The following ANO7 variants were observed in gnomAD, a reference collection of about 807,000 sequenced individuals.
The protein encoded by ANO7 is anoctamin 7.
In ANO7, 114 loss-of-function variants were observed where a neutral mutation model predicts 115.8. The ratio of observed to expected loss-of-function variants is 0.98; its 90% CI spans 0.85 to 1.15. The LOEUF (loss-of-function observed/expected upper bound fraction) is 1.15. Among genes scored for constraint, ANO7 ranks in the 50% most tolerant of loss-of-function variants. ANO7 has a pLI of 0.00. For synonymous variants in ANO7, 550 were observed against 498.2 expected, an observed-to-expected ratio of 1.10 and a Z score of -1.38; for missense variants, 1,302 against 1,201.2, an observed-to-expected ratio of 1.08 and a Z score of -1.24.
At chr2:241,214,487 G>A (rs2068779071) in intron 17 of ANO7, among the ~76,000 whole-genome samples, 1 of 152,164 alleles carries the variant, frequency 6.6e-6, no homozygotes, top group African/African-American at 2.4e-5. Context: ...CTGCCTCGTG[G>A]GTCTGTCTTG....
In ANO7 at chr2:241,225,386, G is replaced by T. The variant is rs2069134551; in HGVS notation, c.*1233G>T. ...TAAAAATGCAAAAATTATTCTGGGTGTGGTGGCGGGCATCTGTAATCCCAG... is the reference window on the plus strand; with the variant it reads ...TAAAAATGCAAAAATTATTCTGGGTTTGGTGGCGGGCATCTGTAATCCCAG... On this transcript the variant is annotated 3_prime_UTR_variant, in exon 25 of 25. Coordinates refer to ENST00000674324, the MANE Select transcript of ANO7 (RefSeq NM_001370694.2). 6.6e-6 allele frequency: 1 copy of T among 152,146 alleles called. No individual in the cohort carries two copies. The highest frequency in any genetic ancestry group is 3.2e-3 in the Middle Eastern group (1 of 316). 9.4% of individuals were successfully genotyped at this position (152,146 alleles called of 1,614,324 possible). A position where few individuals can be genotyped will look rare whatever the true frequency, so the allele number is the denominator to read the frequency against.
chr2:241,192,257 G>A (rs935793817), intron 3 of ANO7, among the ~76,000 whole-genome samples: 1 of 152,216 alleles, frequency 6.6e-6, no homozygotes, highest in Admixed American at 6.5e-5. Flanking sequence ...CCCAAAAGGC[G>A]GAGGTAGCGG....
the ANO7 span, among the ~76,000 whole-genome samples, chr2:241,232,824 A>G: frequency 1.3e-5 from 2 of 151,774 alleles, no homozygotes; most frequent in Non-Finnish European, 2.9e-5. Context: ...CTCAAAAAAA[A>G]GAACTAAACT....
chr2:241,224,221 T>TA lies in ANO7; in HGVS notation c.*68_*69insA, dbSNP rs1248309247. ...CCTGAGCCCTGCGAGCAGCGTCCTT[T>TA]TCCTCTTCCCTCAGGCAGCGGCTGT... On this transcript the variant is annotated 3_prime_UTR_variant, in exon 25 of 25. Transcript: ENST00000674324. 2 of 1,559,744 alleles carry TA rather than the reference T, an allele frequency of 1.3e-6. No homozygotes were observed. Among genetic ancestry groups the TA allele is most frequent in the East Asian group, 2.3e-5 (1 of 44,156 alleles).
chr2:241,195,736 A>C lies in ANO7; in HGVS notation c.200A>C (p.Lys67Thr). The C allele has an allele frequency of 1.2e-6, 2 of 1,614,232 alleles. No homozygotes were observed. The highest frequency in any genetic ancestry group is 1.6e-4 in the Middle Eastern group (1 of 6,062). The change falls in exon 4 of 25, where the codon AAG becomes ACG. Residue 67 changes from lysine (K) to threonine (T), a missense_variant. By Grantham distance (78) the Lys-to-Thr change is moderately conservative. Coordinates refer to ENST00000674324, the MANE Select transcript of ANO7 (RefSeq NM_001370694.2). ...DFVLVWEEDLKLDRQQDSAAR... is the reference protein window; with the variant it reads ...DFVLVWEEDLTLDRQQDSAAR... ...GTCCTCGTTTGGGAGGAGGACCTGA[A>C]GCTAGACAGGCAGCAGGACAGTGCC...
the ANO7 span, chr2:241,235,140 T>C: frequency 4.3e-6 from 7 of 1,613,638 alleles, no homozygotes; most frequent in African/African-American, 1.3e-5. Context: ...CTGCTCGGCC[T>C]GTAGCTCCTT....
Position 241,210,366 on chromosome 2 carries a change from G to A in ANO7, c.1431G>A (p.Arg477=). The part of the protein sequence containing the change: ...YRAIMAIVVS[R]SGNTLLAAWA... ...CCATCATGGCCATCGTGGTGTCCAG[G>A]TCGGGCAACACCCTTCTCGCAGCCT... is the stretch of plus-strand genomic sequence containing the variant. Residue 477 remains arginine, a synonymous_variant, in exon 14 of 25, where the codon AGG becomes AGA. Transcript: ENST00000674324. The A allele has an allele frequency of 6.2e-7, 1 of 1,614,058 alleles. No homozygotes were observed.
chr2:241,190,014 C>A, intron 1 of ANO7, 43 bp from the exon 2 acceptor site: 1 of 1,481,946 alleles, frequency 6.7e-7, no homozygotes, highest in Non-Finnish European at 9.2e-7. Flanking sequence ...TCTCACCCAT[C>A]CCCTCTCTGA....
intron 3 of ANO7, among the ~76,000 whole-genome samples, chr2:241,193,869 TTTTC>T (rs752168724): frequency 2.2e-4 from 34 of 152,314 alleles, no homozygotes; most frequent in Non-Finnish European, 3.8e-4. Context: ...TTAATTTCTC[TTTTC>T]TTTCTTTCTT....
At chr2:241,223,336 G>T in intron 22 of ANO7, 60 bp downstream of exon 22, 1 of 1,584,902 alleles carries the variant, frequency 6.3e-7, no homozygotes. Context: ...CCTGTGCTTT[G>T]CCTAATTCGA....
chr2:241,209,614 C>A lies in ANO7; in HGVS notation c.1338C>A (p.Gly446=). The part of the protein sequence containing the change: ...ERSRARRMLA[G]SVVIVVMVAV... ...GCCGCGCGCGCCGCATGCTGGCCGG[C>A]TCTGTGGTGATCGTGGTGATGGTAT... is the stretch of plus-strand genomic sequence containing the variant. The change falls in exon 13 of 25, where the codon GGC becomes GGA. Residue 446 remains glycine (G), a synonymous_variant. Transcript: ENST00000674324. 6.3e-7 allele frequency: 1 copy of A among 1,578,418 alleles called. No individual in the cohort carries two copies. Among genetic ancestry groups the A allele is most frequent in the Admixed American group, 1.8e-5 (1 of 56,126 alleles).
Position 241,209,613 on chromosome 2 carries a change from G to A in ANO7, c.1337G>A (p.Gly446Asp), listed in dbSNP as rs1156995249. 14 of 1,578,180 alleles carry A rather than the reference G, an allele frequency of 8.9e-6. No individual in the cohort carries two copies. The highest frequency in any genetic ancestry group is 1.0e-5 in the Non-Finnish European group (12 of 1,162,872). ...ERSRARRMLA[G>D]SVVIVVMVAV... ...AGCCGCGCGCGCCGCATGCTGGCCG[G>A]CTCTGTGGTGATCGTGGTGATGGTA... Residue 446 changes from glycine to aspartate, a missense_variant, in exon 13 of 25, where the codon GGC becomes GAC. Transcript: ENST00000674324.
In ANO7 at chr2:241,223,867, A is replaced by G. The variant is rs201061596; in HGVS notation, c.2533-38A>G. On this transcript the variant is annotated intron_variant, in intron 23 of 24. Coordinates refer to ENST00000674324, the MANE Select transcript of ANO7 (RefSeq NM_001370694.2). ...CTGCTCTACCTCCGGACACTGAGTCACATCCCTCTTCCTCTTGCTGCCCTT... is the reference window on the plus strand; with the variant it reads ...CTGCTCTACCTCCGGACACTGAGTCGCATCCCTCTTCCTCTTGCTGCCCTT... 95 of 1,613,428 alleles carry G rather than the reference A, an allele frequency of 5.9e-5. No individual in the cohort carries two copies. In the African/African-American group the frequency reaches 1.1e-3, roughly 19 times the overall value.
At position 241,224,505 on chromosome 2, in the gene ANO7, CG is replaced by C; in HGVS notation, c.*353del. ...GGCAGGTGGGCTTTGTGGTCCTCGCCGCCCCTGGCCACATCGCCCTCTCCTC... is the reference window on the plus strand; with the variant it reads ...GGCAGGTGGGCTTTGTGGTCCTCGCCCCCCTGGCCACATCGCCCTCTCCTC... On this transcript the variant is annotated 3_prime_UTR_variant, in exon 25 of 25. Coordinates refer to ENST00000674324, the MANE Select transcript of ANO7 (RefSeq NM_001370694.2). 1 of 306,004 alleles carries C rather than the reference CG, an allele frequency of 3.3e-6. No homozygotes were observed. The highest frequency in any genetic ancestry group is 4.3e-5 in the South Asian group (1 of 23,154). 19.0% of individuals were successfully genotyped at this position (306,004 alleles called of 1,614,324 possible). A position where few individuals can be genotyped will look rare whatever the true frequency, so the allele number is the denominator to read the frequency against.
chr2:241,207,720 A>G (rs1559448102), intron 11 of ANO7, 50 bp downstream of exon 11: 1 of 1,551,850 alleles, frequency 6.4e-7, no homozygotes, highest in Non-Finnish European at 8.9e-7. Context: ...GGGGATGAGG[A>G]GGGCAGCTCC....
Position 241,200,235 on chromosome 2 carries a change from G to A in ANO7, c.554+10G>A, listed in dbSNP as rs960890139. 10 of 1,609,738 alleles carry A rather than the reference G, an allele frequency of 6.2e-6. No homozygotes were observed. Among genetic ancestry groups the A allele is most frequent in the Non-Finnish European group, 8.5e-6 (10 of 1,178,478 alleles). ...TGAACAAGCTGCCACGGTAAGGCAG[G>A]GGCCCTGCCAGTCGGAGGAAAGAAC... On this transcript the variant is annotated intron_variant, in intron 6 of 24. Coordinates refer to ENST00000674324, the MANE Select transcript of ANO7 (RefSeq NM_001370694.2).
At chr2:241,210,221 G>T in intron 13 of ANO7, 74 bp from the exon 14 acceptor site, 1 of 1,443,146 alleles carries the variant, frequency 6.9e-7, no homozygotes, top group Non-Finnish European at 9.7e-7. Context: ...AAGAGCTGTC[G>T]GGGGCCATGG....
At chr2:241,212,060 C>T in intron 15 of ANO7, 34 bp from the exon 16 acceptor site, 1 of 1,593,646 alleles carries the variant, frequency 6.3e-7, no homozygotes, top group Non-Finnish European at 8.6e-7. Context: ...TGGTGACTCC[C>T]CCAGGGACTG....
At chr2:241,232,899 G>A in the ANO7 span, among the ~76,000 whole-genome samples, 51 of 152,234 alleles carry the variant, frequency 3.4e-4, no homozygotes, top group African/African-American at 1.2e-3. Context: ...GGAGCTGGAG[G>A]AGGCAGGGTG....
Sources: gnomAD v4.1 joint callset for allele counts (sites outside exome capture counted in the v4.1 genomes callset) on GRCh38, gnomAD v4.1.1 for gene constraint, MANE v1.5 for transcripts, NCBI Gene and HGNC (gene_info 2026-07-23, HGNC 2026-07-21) for gene names.